KIF18A: variants seen among roughly 807,000 people sequenced by gnomAD.
KIF18A encodes kinesin family member 18A.
In KIF18A, 67 loss-of-function variants were observed where a neutral mutation model predicts 103.3. The observed-to-expected ratio is 0.65, with a 90% CI of 0.53 to 0.79. The LOEUF (loss-of-function observed/expected upper bound fraction) is 0.79. Among genes scored for constraint, KIF18A ranks in the 30% least tolerant of loss-of-function variants. KIF18A has a pLI of 0.00. For synonymous variants in KIF18A, 367 were observed against 355.5 expected, an observed-to-expected ratio of 1.03 and a Z score of -0.36; for missense variants, 1,032 against 1,062.5, an observed-to-expected ratio of 0.97 and a Z score of 0.40.
intron 10 of KIF18A, among the ~76,000 whole-genome samples, chr11:28,072,046 A>T (rs1444104932): frequency 6.6e-6 from 1 of 152,126 alleles, no homozygotes; most frequent in Non-Finnish European, 1.5e-5. Flanking sequence ...TTCTCAGAGG[A>T]CATTTTCCAT....
rs1850977924 is a variant in KIF18A at position 28,069,256 on chromosome 11, T to C, written c.1590+3A>G. 1 of 1,609,756 alleles carries C rather than the reference T, an allele frequency of 6.2e-7. No homozygotes were observed. Among genetic ancestry groups the C allele is most frequent in the African/African-American group, 1.3e-5 (1 of 74,800 alleles). On this transcript the variant is annotated splice_donor_region_variant and intron_variant, in intron 11 of 16. Transcript: ENST00000263181. ...AAATCTGAACATACAGAGATATTTG[T>C]ACCTTTGGAATATGACCGTTTTGAC...
chr11:28,069,691 CT>C (rs559491385), intron 10 of KIF18A, among the ~76,000 whole-genome samples: 387 of 144,110 alleles, frequency 2.7e-3, no homozygotes, highest in Middle Eastern at 3.6e-3. Flanking sequence ...AAGACTATAA[CT>C]TTTTTTTTTT....
Position 28,054,489 on chromosome 11 carries a change from C to T in KIF18A, c.1948+4437G>A, listed in dbSNP as rs1042876129. On this transcript the variant is annotated intron_variant, in intron 13 of 16. Coordinates refer to ENST00000263181, the MANE Select transcript of KIF18A (RefSeq NM_031217.4). Reference sequence around the variant, plus strand: ...TCTCCCAAAATACTGGGATTGCAGGCGTAAGCCACTGTCCCTGGCCCAGAT... The same window carrying T: ...TCTCCCAAAATACTGGGATTGCAGGTGTAAGCCACTGTCCCTGGCCCAGAT... Among the ~76,000 whole-genome samples the T allele has an allele frequency of 9.2e-5, 14 of 152,228 alleles. No individual in the cohort carries two copies. In the South Asian group the frequency reaches 1.7e-3, roughly 18 times the overall value.
At chr11:28,069,516 T>G (rs1034330118) in intron 10 of KIF18A, 93 bp from the exon 11 acceptor site, 2 of 1,172,268 alleles carry the variant, frequency 1.7e-6, no homozygotes, top group African/African-American at 3.1e-5. Flanking sequence ...ATGTGTACTA[T>G]TGTAGTAAAT....
At chr11:28,088,801 A>G in intron 5 of KIF18A, 80 bp from the exon 6 acceptor site, 2 of 1,050,724 alleles carry the variant, frequency 1.9e-6, no homozygotes, top group Non-Finnish European at 2.8e-6. Flanking sequence ...TTAATAGAGC[A>G]CAAAATCAAA....
chr11:28,100,711 C>T (rs140272735), intron 1 of KIF18A, among the ~76,000 whole-genome samples: 9 of 152,088 alleles, frequency 5.9e-5, no homozygotes, highest in African/African-American at 2.2e-4. Flanking sequence ...AATCTAAAAG[C>T]AGTAGATGCT....
Position 28,069,345 on chromosome 11 carries a change from A to G in KIF18A, c.1504T>C (p.Leu502=), listed in dbSNP as rs1369725921. 2 of 1,613,684 alleles carry G rather than the reference A, an allele frequency of 1.2e-6. No homozygotes were observed. Among genetic ancestry groups the G allele is most frequent in the South Asian group, 2.2e-5 (2 of 91,076 alleles). ...SYLEKRREEE[L]KQFDENTNWL... is the part of the protein sequence containing the mutation. ...TTAGTATTCTCATCAAATTGCTTCA[A>G]TTCCTCCTCCCTCCTTTTCTCCAGG... Residue 502 remains leucine (L), a synonymous_variant, in exon 11 of 17, where the codon TTG becomes CTG. Coordinates refer to ENST00000263181, the MANE Select transcript of KIF18A (RefSeq NM_031217.4).
intron 9 of KIF18A, among the ~76,000 whole-genome samples, chr11:28,078,006 T>A (rs1036770414): frequency 3.3e-5 from 5 of 152,174 alleles, no homozygotes; most frequent in Non-Finnish European, 5.9e-5. Flanking sequence ...TTTAATTTTT[T>A]AAAATATATT....
intron 16 of KIF18A, 33 bp downstream of exon 16, chr11:28,023,708 C>G (rs773412995): frequency 8.4e-7 from 1 of 1,191,880 alleles, no homozygotes; most frequent in Non-Finnish European, 1.3e-6. Flanking sequence ...CAGAGTCATA[C>G]CATTAAATAT....
intron 5 of KIF18A, 39 bp downstream of exon 5, chr11:28,090,578 A>T: frequency 9.1e-7 from 1 of 1,104,762 alleles, no homozygotes; most frequent in Non-Finnish European, 1.4e-6. Context: ...CATTTATTTT[A>T]AATCCAATTT....
At chr11:28,074,109 G>C (rs969693239) in intron 10 of KIF18A, among the ~76,000 whole-genome samples, 2 of 151,954 alleles carry the variant, frequency 1.3e-5, no homozygotes, top group African/African-American at 4.8e-5. Flanking sequence ...TGAGCTACTT[G>C]GGAGGTTTGT....
chr11:28,068,844 T>C (rs1017008131), intron 11 of KIF18A, among the ~76,000 whole-genome samples: 6 of 152,328 alleles, frequency 3.9e-5, no homozygotes, highest in Admixed American at 2.6e-4. Flanking sequence ...AATTCTAATA[T>C]GATACTGTCA....
chr11:28,070,670 G>A (rs1307506669), intron 10 of KIF18A, among the ~76,000 whole-genome samples: 14 of 152,144 alleles, frequency 9.2e-5, no homozygotes, highest in Admixed American at 9.2e-4. Flanking sequence ...CAAAAACCTG[G>A]ATAGTCAAGA....
At chr11:28,050,950 T>C (rs761793943) in intron 13 of KIF18A, among the ~76,000 whole-genome samples, 4 of 151,816 alleles carry the variant, frequency 2.6e-5, no homozygotes, top group Non-Finnish European at 4.4e-5. Context: ...AAAATAAGAA[T>C]TTAGGCTTAT....
intron 15 of KIF18A, among the ~76,000 whole-genome samples, chr11:28,024,864 T>C (rs1850294704): frequency 6.6e-6 from 1 of 151,974 alleles, no homozygotes; most frequent in Admixed American, 6.6e-5. Context: ...TAATCCCCCT[T>C]ATCGACGGGG....
At chr11:28,031,184 A>G (rs1348991732) in intron 15 of KIF18A, among the ~76,000 whole-genome samples, 6 of 152,200 alleles carry the variant, frequency 3.9e-5, no homozygotes, top group African/African-American at 9.6e-5. Context: ...GTTACTGGGT[A>G]TATACCCAAA....
chr11:28,097,083 C>A (rs867168381), intron 2 of KIF18A, among the ~76,000 whole-genome samples: 4 of 151,936 alleles, frequency 2.6e-5, no homozygotes, highest in African/African-American at 9.7e-5. Flanking sequence ...TTGCATGCTG[C>A]GGGGTTTAGT....
intron 11 of KIF18A, among the ~76,000 whole-genome samples, chr11:28,063,659 A>T (rs1473364881): frequency 6.6e-6 from 1 of 151,982 alleles, no homozygotes; most frequent in Non-Finnish European, 1.5e-5. Flanking sequence ...ACATTCTCAG[A>T]AATTTTATTG....
rs1565071854 is a variant in KIF18A, at chr11:28,036,531, A to G, written c.2082T>C (p.Asp694=). The change falls in exon 14 of 17, where the codon GAT becomes GAC. Residue 694 remains aspartate, a synonymous_variant. Transcript: ENST00000263181. ...TAGGCTGAAGTTCTTTGCTAAGAGA[A>G]TCATTGAGCTGCACACTTTGAGATG... ...SPPSQSVQLN[D]SLSKELQPIV... The G allele has an allele frequency of 6.2e-7, 1 of 1,611,372 alleles. No individual in the cohort carries two copies. The highest frequency in any genetic ancestry group is 1.7e-5 in the Admixed American group (1 of 59,678).
Sources: gnomAD v4.1 joint callset for allele counts (sites outside exome capture counted in the v4.1 genomes callset) on GRCh38, gnomAD v4.1.1 for gene constraint, MANE v1.5 for transcripts, NCBI Gene and HGNC (gene_info 2026-07-23, HGNC 2026-07-21) for gene names.